POU6F2: variants seen among roughly 807,000 people sequenced by gnomAD.
POU6F2 encodes the protein POU class 6 homeobox 2, also known as POU domain, class 6, transcription factor 2.
POU6F2 carries 31 observed loss-of-function variants against 71.3 expected under a neutral mutation model. The ratio of observed to expected loss-of-function variants is 0.43; its 90% confidence interval spans 0.33 to 0.59. POU6F2 has a LOEUF of 0.59. Among genes scored for constraint, POU6F2 ranks in the 20% least tolerant of loss-of-function variants. The pLI, the probability that POU6F2 is intolerant of heterozygous loss-of-function variation, is 0.04. For synonymous variants in POU6F2, 347 were observed against 355.7 expected, an observed-to-expected ratio of 0.98 and a Z score of 0.27; for missense variants, 783 against 856.8, an observed-to-expected ratio of 0.91 and a Z score of 1.07.
rs183187587 is a variant in POU6F2 at position 38,983,456 on chromosome 7, C to T, written c.105+5398C>T. Among the ~76,000 whole-genome samples, 333 of 149,280 alleles carry T rather than the reference C, an allele frequency of 2.2e-3. 2 individuals carry two copies. The highest frequency in any genetic ancestry group is 7.8e-3 in the African/African-American group (316 of 40,582). On this transcript the variant is annotated intron_variant, in intron 1 of 9. Transcript: ENST00000518318. ...AAAGTAAATTACCAACTCAAGTTTG[C>T]TCTGTTAGCCTATGTAAATTGCTCT...
chr7:39,201,771 G>T (rs866216994), intron 2 of POU6F2, among the ~76,000 whole-genome samples: 1 of 152,182 alleles, frequency 6.6e-6, no homozygotes. Flanking sequence ...TCAGCTAAGT[G>T]TTGCTTCAAA....
rs113866770 is a variant in POU6F2 at position 39,324,027 on chromosome 7, A to G, written c.599-15615A>G. ...GGAGGCTGAGGCAGGAGAATTGCTT[A>G]GACCCTGGAGGCGGAGCTTGCAGTG... On this transcript the variant is annotated intron_variant, in intron 4 of 9. Coordinates refer to ENST00000518318, the MANE Select transcript of POU6F2 (RefSeq NM_001370959.1). 2.5e-3 allele frequency among the ~76,000 whole-genome samples: 372 copies of G among 151,732 alleles called. 1 individual carries two copies. The highest frequency in any genetic ancestry group is 8.8e-3 in the African/African-American group (363 of 41,396).
At chr7:39,041,841 G>A (rs1048217562) in intron 1 of POU6F2, among the ~76,000 whole-genome samples, 1 of 151,828 alleles carries the variant, frequency 6.6e-6, no homozygotes, top group Non-Finnish European at 1.5e-5. Context: ...TCATGGAAAA[G>A]GAGGCTTCCA....
rs1288462076 is a variant in POU6F2 at position 39,460,975 on chromosome 7, G to C, written c.1658+260G>C. 6.6e-6 allele frequency among the ~76,000 whole-genome samples: 1 copy of C among 152,080 alleles called. No individual in the cohort carries two copies. Among genetic ancestry groups the C allele is most frequent in the Non-Finnish European group, 1.5e-5 (1 of 68,026 alleles). ...TCTCATTGGAAATACACTACCCCAG[G>C]GTCAGGGGCCTTCCTCCTGGGCCCA... On this transcript the variant is annotated intron_variant, in intron 9 of 9. Coordinates refer to ENST00000518318, the MANE Select transcript of POU6F2 (RefSeq NM_001370959.1). The surrounding 1 kb of genome is among the most constrained non-coding windows in gnomAD (Gnocchi z 4.4).
At chr7:39,308,030 T>A (rs1429611664) in intron 4 of POU6F2, among the ~76,000 whole-genome samples, 4 of 152,136 alleles carry the variant, frequency 2.6e-5, no homozygotes, top group Admixed American at 2.0e-4. Context: ...ATATCAACTG[T>A]TGCCTCCACT....
intron 4 of POU6F2, among the ~76,000 whole-genome samples, chr7:39,269,026 C>T (rs1242706805): frequency 6.6e-6 from 1 of 152,190 alleles, no homozygotes; most frequent in Admixed American, 6.5e-5. Context: ...TGAGCATTTA[C>T]AGATGGAAAT....
intron 2 of POU6F2, among the ~76,000 whole-genome samples, chr7:39,104,438 T>C (rs1351579847): frequency 6.6e-6 from 1 of 152,222 alleles, no homozygotes; most frequent in African/African-American, 2.4e-5. Context: ...GCCCGGTGGC[T>C]GGAACCTTAG....
intron 1 of POU6F2, among the ~76,000 whole-genome samples, chr7:39,056,464 G>C (rs1206495372): frequency 6.6e-6 from 1 of 151,742 alleles, no homozygotes; most frequent in East Asian, 1.9e-4. Context: ...AACATTTTCT[G>C]GTGAATGTTC....
At chr7:39,205,852 G>A (rs1165463479) in intron 3 of POU6F2, among the ~76,000 whole-genome samples, 1 of 152,122 alleles carries the variant, frequency 6.6e-6, no homozygotes, top group East Asian at 1.9e-4. Context: ...GAATGGCCAA[G>A]TATGGGCTTA....
Position 39,128,717 on chromosome 7 carries a change from A to T in POU6F2, c.277+42686A>T, listed in dbSNP as rs184566596. 2.0e-5 allele frequency among the ~76,000 whole-genome samples: 3 copies of T among 152,316 alleles called. No homozygotes were observed. The East Asian group carries it at 5.8e-4, about 29-fold the overall frequency. Reference sequence around the variant, plus strand: ...TAGGAAACAAGAAAGAAAACCAAAGATATCCAGTTGCTTGGATCTATGATC... The same window carrying T: ...TAGGAAACAAGAAAGAAAACCAAAGTTATCCAGTTGCTTGGATCTATGATC... On this transcript the variant is annotated intron_variant, in intron 2 of 9. Coordinates refer to ENST00000518318, the MANE Select transcript of POU6F2 (RefSeq NM_001370959.1).
chr7:39,449,567 T>C (rs1034401451), intron 7 of POU6F2, among the ~76,000 whole-genome samples: 2 of 152,138 alleles, frequency 1.3e-5, no homozygotes, highest in African/African-American at 4.8e-5. Context: ...CATGCATTTA[T>C]AGTATGATCC....
chr7:39,463,379 G>A (rs775962072), intron 9 of POU6F2, among the ~76,000 whole-genome samples: 1 of 152,166 alleles, frequency 6.6e-6, no homozygotes, highest in Non-Finnish European at 1.5e-5. Flanking sequence ...ATTAAACACA[G>A]CTTGGTGCCC....
At chr7:39,022,028 G>A (rs540225353) in intron 1 of POU6F2, among the ~76,000 whole-genome samples, 1 of 152,190 alleles carries the variant, frequency 6.6e-6, no homozygotes, top group East Asian at 1.9e-4. Flanking sequence ...CAGGCCTTAA[G>A]AAATAATCTT....
intron 4 of POU6F2, among the ~76,000 whole-genome samples, chr7:39,333,778 G>A (rs1380185658): frequency 6.6e-6 from 1 of 151,994 alleles, no homozygotes; most frequent in African/African-American, 2.4e-5. Context: ...TCAGTGTTGG[G>A]GAGCTGCATT....
chr7:39,077,464 G>A (rs1791024716), intron 1 of POU6F2, among the ~76,000 whole-genome samples: 1 of 152,196 alleles, frequency 6.6e-6, no homozygotes, highest in Non-Finnish European at 1.5e-5. Context: ...GCATTGATGA[G>A]CGGTTTGGCT....
intron 5 of POU6F2, among the ~76,000 whole-genome samples, chr7:39,387,256 C>T (rs866734354): frequency 6.6e-6 from 1 of 152,342 alleles, no homozygotes; most frequent in Non-Finnish European, 1.5e-5. Flanking sequence ...CATATGGACA[C>T]GCATGAACAC....
rs1224781768 is a variant in POU6F2, at chr7:39,468,253, G to A, written c.*3567G>A. On this transcript the variant is annotated 3_prime_UTR_variant, in exon 10 of 10. Transcript: ENST00000518318. ...GACTGGTCACCGGGGTCACTTATGA[G>A]GCACCACAAAGAGATCTGCTTCTCC... is the stretch of plus-strand genomic sequence containing the variant. The A allele has an allele frequency of 6.6e-6, 1 of 150,668 alleles. No homozygotes were observed. The highest frequency in any genetic ancestry group is 1.5e-5 in the Non-Finnish European group (1 of 67,798). The allele number at this position is 150,668 out of a possible 1,614,324, so 9.3% of individuals were successfully genotyped here. A position where few individuals can be genotyped will look rare whatever the true frequency, so the allele number is the denominator to read the frequency against.
chr7:39,329,265 A>C (rs1358207025), intron 4 of POU6F2: 5 of 148,314 alleles, frequency 3.4e-5, no homozygotes, highest in African/African-American at 1.2e-4. Flanking sequence ...AATAAATATA[A>C]TAATATATTA....
At chr7:39,322,725 G>A (rs181950307) in intron 4 of POU6F2, among the ~76,000 whole-genome samples, 2 of 152,212 alleles carry the variant, frequency 1.3e-5, no homozygotes, top group Non-Finnish European at 2.9e-5. Context: ...TTAGGATATG[G>A]CTCCAGATGC....
Sources: gnomAD v4.1 joint callset for allele counts (sites outside exome capture counted in the v4.1 genomes callset) on GRCh38, gnomAD v4.1.1 for gene constraint, Gnocchi (gnomAD v3.1) non-coding constraint, MANE v1.5 for transcripts, NCBI Gene and HGNC (gene_info 2026-07-23, HGNC 2026-07-21) for gene names.